Variants in TENM3 observed in about 807,000 individuals in gnomAD.
TENM3 encodes the protein teneurin-3.
In TENM3, 63 loss-of-function variants were observed where a neutral mutation model predicts 255.1. The observed-to-expected ratio is 0.25, with a 90% CI of 0.20 to 0.30. The LOEUF (loss-of-function observed/expected upper bound fraction) is 0.30, where lower values mean the gene tolerates loss of function less well. Ranked by LOEUF, TENM3 falls within the 10% of genes least tolerant of loss-of-function variation. TENM3 has a pLI of 1.00. For synonymous variants in TENM3, 1,306 were observed against 1,322.3 expected (o/e 0.99, Z 0.27); for missense variants, 2,929 against 3,461.1 (o/e 0.85, Z 3.86).
the TENM3 span, among the ~76,000 whole-genome samples, chr4:181,797,734 C>G: frequency 1.6e-3 from 251 of 152,294 alleles, 2 homozygotes; most frequent in Non-Finnish European, 3.1e-3. Flanking sequence ...AATGAGACTA[C>G]TAAAAACTGG....
At chr4:182,311,421 T>G (rs1762437283) in intron 1 of TENM3, among the ~76,000 whole-genome samples, 1 of 152,202 alleles carries the variant, frequency 6.6e-6, no homozygotes, top group Non-Finnish European at 1.5e-5. Flanking sequence ...CTCTCTCTTT[T>G]TTACTTCTTA....
the TENM3 span, among the ~76,000 whole-genome samples, chr4:181,746,488 C>G: frequency 6.6e-6 from 1 of 151,902 alleles, no homozygotes; most frequent in African/African-American, 2.4e-5. Flanking sequence ...GGTGATGGAA[C>G]CTGATGATTC....
chr4:181,729,408 G>A, the TENM3 span, among the ~76,000 whole-genome samples: 2 of 152,252 alleles, frequency 1.3e-5, no homozygotes, highest in South Asian at 4.2e-4. Flanking sequence ...CTTCCTGTGA[G>A]GAGCAAATCA....
chr4:182,214,865 G>A (rs139828580), intron 1 of TENM3, among the ~76,000 whole-genome samples: 13 of 152,238 alleles, frequency 8.5e-5, no homozygotes, highest in African/African-American at 3.1e-4. Flanking sequence ...GTATTCTGTA[G>A]TGTTAGAGTA....
At chr4:182,266,257 G>T (rs777921497) in intron 1 of TENM3, among the ~76,000 whole-genome samples, 1 of 152,220 alleles carries the variant, frequency 6.6e-6, no homozygotes, top group Non-Finnish European at 1.5e-5. Context: ...TACCTGCAAG[G>T]TATGTAAAGA....
At chr4:182,706,254 G>A (rs575570545) in intron 12 of TENM3, among the ~76,000 whole-genome samples, 2 of 152,292 alleles carry the variant, frequency 1.3e-5, no homozygotes, top group African/African-American at 4.8e-5. Context: ...GCCACTGCTA[G>A]CATTTTGATC....
At chr4:181,494,847 G>T in the TENM3 span, among the ~76,000 whole-genome samples, 3 of 151,986 alleles carry the variant, frequency 2.0e-5, no homozygotes, top group Admixed American at 2.0e-4. Flanking sequence ...TTCATTAATA[G>T]GTCCCCTTCA....
At chr4:181,630,025 G>T in the TENM3 span, among the ~76,000 whole-genome samples, 1 of 152,100 alleles carries the variant, frequency 6.6e-6, no homozygotes, top group Non-Finnish European at 1.5e-5. Flanking sequence ...GCCTGTTATT[G>T]GTCTATTCAG....
At chr4:182,548,684 A>G (rs904083219) in intron 3 of TENM3, 2 of 152,216 alleles carry the variant, frequency 1.3e-5, no homozygotes, top group Non-Finnish European at 2.9e-5. Context: ...TTTGGCTAAG[A>G]TCAAGTGTAG....
At chr4:181,676,103 A>C in the TENM3 span, among the ~76,000 whole-genome samples, 1 of 151,988 alleles carries the variant, frequency 6.6e-6, no homozygotes, top group Non-Finnish European at 1.5e-5. Flanking sequence ...CTTTTTCTGT[A>C]ATTTAATTGA....
intron 3 of TENM3, among the ~76,000 whole-genome samples, chr4:182,515,351 G>T (rs1737829648): frequency 6.6e-6 from 1 of 152,046 alleles, no homozygotes; most frequent in Non-Finnish European, 1.5e-5. Context: ...ATTGTTTGCT[G>T]AATTTTTTTG....
chr4:182,118,037 C>T, the TENM3 span, among the ~76,000 whole-genome samples: 2 of 152,032 alleles, frequency 1.3e-5, no homozygotes, highest in African/African-American at 2.4e-5. Context: ...TTTTTATTTT[C>T]AAATTAATGT....
At chr4:181,873,971 G>A in the TENM3 span, among the ~76,000 whole-genome samples, 10 of 152,074 alleles carry the variant, frequency 6.6e-5, no homozygotes, top group Non-Finnish European at 1.2e-4. Context: ...TTTTAATAGA[G>A]ACAGGGTTTC....
In TENM3 at chr4:182,789,074, C is replaced by G. The variant is rs779442404; in HGVS notation, c.5305-19C>G. ...GGAATAACATGATTTATTTTATCATCTTGTTGGTGTTGTAACAGGTTAATG... is the reference window on the plus strand; with the variant it reads ...GGAATAACATGATTTATTTTATCATGTTGTTGGTGTTGTAACAGGTTAATG... On this transcript the variant is annotated intron_variant, in intron 24 of 27. Transcript: ENST00000511685. The surrounding 1 kb of genome is among the most constrained non-coding windows in gnomAD (Gnocchi z 4.4). The G allele has an allele frequency of 4.4e-6, 7 of 1,584,912 alleles. No homozygotes were observed. The South Asian group carries it at 5.7e-5, about 13-fold the overall frequency.
chr4:182,086,507 C>T, the TENM3 span, among the ~76,000 whole-genome samples: 2 of 152,264 alleles, frequency 1.3e-5, no homozygotes, highest in South Asian at 2.1e-4. Flanking sequence ...GAGGAAGCTA[C>T]GATAGAAGAA....
Position 182,796,746 on chromosome 4 carries a change from T to C in TENM3, c.7323T>C (p.Ser2441=). 1 of 1,609,598 alleles carries C rather than the reference T, an allele frequency of 6.2e-7. No homozygotes were observed. The highest frequency in any genetic ancestry group is 8.5e-7 in the Non-Finnish European group (1 of 1,177,832). Reference sequence around the variant, plus strand: ...AACCTTCTTACGAACTTGTGAAGAGTCAGCAGTGGGATGATATACCGGTAA... The same window carrying C: ...AACCTTCTTACGAACTTGTGAAGAGCCAGCAGTGGGATGATATACCGGTAA... The part of the protein sequence containing the change: ...LTEPSYELVK[S]QQWDDIPPIF... Residue 2441 remains serine (S), a synonymous_variant, in exon 27 of 28, where the codon AGT becomes AGC. Transcript: ENST00000511685.
chr4:181,869,043 A>G, the TENM3 span, among the ~76,000 whole-genome samples: 1 of 151,772 alleles, frequency 6.6e-6, no homozygotes, highest in African/African-American at 2.4e-5. Context: ...TTATACTATT[A>G]TTAAATGTTA....
chr4:181,738,392 A>G, the TENM3 span, among the ~76,000 whole-genome samples: 153 of 152,230 alleles, frequency 1.0e-3, 1 homozygote, highest in African/African-American at 3.4e-3. Flanking sequence ...TCATCTGTCC[A>G]TTGTACTGGT....
the TENM3 span, among the ~76,000 whole-genome samples, chr4:181,476,303 G>A: frequency 5.9e-5 from 9 of 151,526 alleles, no homozygotes; most frequent in Non-Finnish European, 1.3e-4. Flanking sequence ...TGTGATTCAG[G>A]CTGGCTCCGA....
Sources: gnomAD v4.1 joint callset for allele counts (sites outside exome capture counted in the v4.1 genomes callset) on GRCh38, gnomAD v4.1.1 for gene constraint, Gnocchi (gnomAD v3.1) non-coding constraint, MANE v1.5 for transcripts, NCBI Gene and HGNC (gene_info 2026-07-23, HGNC 2026-07-21) for gene names.